Variants in CSMD1 observed in about 807,000 individuals in gnomAD.
CSMD1 encodes the protein CUB and sushi domain-containing protein 1.
CSMD1 carries 213 observed loss-of-function variants against 417.5 expected under a neutral mutation model. That is an observed-to-expected ratio of 0.51 (90% CI 0.46 to 0.57). CSMD1 has a LOEUF of 0.57. CSMD1 is among the 20% of genes least tolerant of loss of function. CSMD1 has a pLI of 0.00. For missense variants in CSMD1, 6,923 were observed against 4,529.7 expected (o/e 1.53, Z -15.17); for synonymous variants, 2,862 against 1,736.8 (o/e 1.65, Z -16.11).
chr8:4,445,319 C>T (rs932237946), intron 2 of CSMD1, among the ~76,000 whole-genome samples: 1 of 152,146 alleles, frequency 6.6e-6, no homozygotes, highest in African/African-American at 2.4e-5. Context: ...TTAAATCAAC[C>T]ATTTTCTGTA....
chr8:3,804,219 A>G (rs1800607895), intron 5 of CSMD1, among the ~76,000 whole-genome samples: 1 of 152,140 alleles, frequency 6.6e-6, no homozygotes, highest in African/African-American at 2.4e-5. Context: ...AGTGTGAGCC[A>G]CTACACCAAG....
intron 30 of CSMD1, among the ~76,000 whole-genome samples, chr8:3,206,912 T>C (rs1478064006): frequency 4.6e-5 from 7 of 152,150 alleles, no homozygotes; most frequent in Admixed American, 4.6e-4. Context: ...TATTTCTACA[T>C]GAGAAGGGGC....
At chr8:4,064,671 C>T (rs185412474) in intron 3 of CSMD1, among the ~76,000 whole-genome samples, 2 of 152,212 alleles carry the variant, frequency 1.3e-5, no homozygotes, top group South Asian at 4.1e-4. Flanking sequence ...CTGTATTCTC[C>T]CCTCCAACAC....
At chr8:4,741,919 G>A (rs560982666) in intron 1 of CSMD1, among the ~76,000 whole-genome samples, 6 of 145,322 alleles carry the variant, frequency 4.1e-5, no homozygotes, top group Non-Finnish European at 1.5e-5. Context: ...CTGCAGCTTC[G>A]ACTTCCTGGG....
chr8:4,750,956 C>G (rs1163029645), intron 1 of CSMD1, among the ~76,000 whole-genome samples: 1 of 152,166 alleles, frequency 6.6e-6, no homozygotes, highest in Non-Finnish European at 1.5e-5. Flanking sequence ...ACAGCCATGT[C>G]TGTATTGACA....
chr8:3,449,991 G>A (rs1002783096), intron 12 of CSMD1, among the ~76,000 whole-genome samples: 4 of 152,202 alleles, frequency 2.6e-5, no homozygotes, highest in East Asian at 1.9e-4. Flanking sequence ...AAAGCCAGAC[G>A]GGAGAGAGGG....
At chr8:3,864,241 T>C (rs1343082931) in intron 5 of CSMD1, among the ~76,000 whole-genome samples, 1 of 152,238 alleles carries the variant, frequency 6.6e-6, no homozygotes, top group Admixed American at 6.5e-5. Context: ...CCATAGACTG[T>C]TGTTAAAATT....
intron 5 of CSMD1, among the ~76,000 whole-genome samples, chr8:3,840,284 A>G (rs894585057): frequency 3.3e-5 from 5 of 152,212 alleles, no homozygotes; most frequent in African/African-American, 1.2e-4. Context: ...AAGAATGGCA[A>G]AGCTCACGCA....
intron 37 of CSMD1, among the ~76,000 whole-genome samples, chr8:3,165,338 C>A (rs1384211606): frequency 6.6e-6 from 1 of 152,122 alleles, no homozygotes; most frequent in Non-Finnish European, 1.5e-5. Context: ...CTTTGCATTT[C>A]TCTCATAAAG....
At chr8:4,921,774 C>T (rs1038285065) in intron 1 of CSMD1, among the ~76,000 whole-genome samples, 2 of 152,022 alleles carry the variant, frequency 1.3e-5, no homozygotes, top group Non-Finnish European at 2.9e-5. Context: ...TCTCCACCAG[C>T]CATTTTTTTC....
intron 5 of CSMD1, among the ~76,000 whole-genome samples, chr8:3,867,761 C>A (rs1805204026): frequency 6.6e-6 from 1 of 152,106 alleles, no homozygotes; most frequent in Non-Finnish European, 1.5e-5. Flanking sequence ...AACCCTCCTC[C>A]CAGGGCCAGG....
intron 1 of CSMD1, among the ~76,000 whole-genome samples, chr8:4,847,156 C>G (rs988953818): frequency 6.6e-6 from 1 of 152,142 alleles, no homozygotes; most frequent in Non-Finnish European, 1.5e-5. Context: ...GAATGCCACT[C>G]TCTCGTAAGT....
intron 5 of CSMD1, among the ~76,000 whole-genome samples, chr8:3,925,841 AAG>A (rs1432885303): frequency 6.6e-6 from 1 of 152,038 alleles, no homozygotes; most frequent in Non-Finnish European, 1.5e-5. Flanking sequence ...CGGGCAGTGA[AAG>A]ATATTTGGGG....
chr8:3,424,615 C>T (rs1195746534), intron 12 of CSMD1, among the ~76,000 whole-genome samples: 2 of 152,110 alleles, frequency 1.3e-5, no homozygotes, highest in Non-Finnish European at 2.9e-5. Flanking sequence ...ACAATTTGAA[C>T]ACAAAATCTT....
Position 3,915,203 on chromosome 8 carries a change from C to T in CSMD1, c.818+82700G>A, listed in dbSNP as rs535551367. Among the ~76,000 whole-genome samples, 343 of 152,016 alleles carry T rather than the reference C, an allele frequency of 2.3e-3. 1 individual carries two copies. The highest frequency in any genetic ancestry group is 7.8e-3 in the African/African-American group (323 of 41,476). On this transcript the variant is annotated intron_variant, in intron 5 of 69. Transcript: ENST00000635120. ...GGAGGACCACCTAAGGTCAGGATTT[C>T]GAGACCAGCCTGGCCAACATCACGA...
chr8:3,311,058 G>T (rs1451678445), intron 23 of CSMD1, among the ~76,000 whole-genome samples: 1 of 151,674 alleles, frequency 6.6e-6, no homozygotes, highest in Non-Finnish European at 1.5e-5. Context: ...CATTAAGAGT[G>T]GGAAATACCT....
At chr8:4,281,355 G>C (rs150293004) in intron 3 of CSMD1, among the ~76,000 whole-genome samples, 1 of 152,076 alleles carries the variant, frequency 6.6e-6, no homozygotes, top group Non-Finnish European at 1.5e-5. Flanking sequence ...GTAAGATGAC[G>C]GCATAAGGTC....
intron 2 of CSMD1, among the ~76,000 whole-genome samples, chr8:4,508,411 T>C (rs927053758): frequency 1.3e-5 from 2 of 152,198 alleles, no homozygotes; most frequent in African/African-American, 4.8e-5. Flanking sequence ...ACATAATCTT[T>C]GCCATGCTTC....
At chr8:3,801,725 C>G (rs139789443) in intron 5 of CSMD1, among the ~76,000 whole-genome samples, 1 of 152,242 alleles carries the variant, frequency 6.6e-6, no homozygotes, top group East Asian at 1.9e-4. Flanking sequence ...ACAATTCAAG[C>G]ATTCACCAAC....
Sources: allele counts gnomAD v4.1 joint callset (sites outside exome capture counted in the v4.1 genomes callset), GRCh38; gene constraint gnomAD v4.1.1; transcripts MANE v1.5; gene names NCBI Gene and HGNC (gene_info 2026-07-23, HGNC 2026-07-21).